Variants in CDKAL1 observed in about 807,000 individuals in gnomAD.
CDKAL1 encodes threonylcarbamoyladenosine tRNA methylthiotransferase.
A neutral mutation model predicts 68.2 loss-of-function variants in CDKAL1; 32 were observed. The observed-to-expected ratio is 0.47, with a 90% CI of 0.35 to 0.63. The LOEUF (loss-of-function observed/expected upper bound fraction) is 0.63, where lower values mean the gene tolerates loss of function less well. CDKAL1 is among the 30% of genes least tolerant of loss of function. The pLI is 0.00. For missense variants in CDKAL1, 606 were observed against 696.7 expected (o/e 0.87, Z 1.47); for synonymous variants, 234 against 244.3 (o/e 0.96, Z 0.39).
At chr6:20,652,505 CCTT>C (rs996196152) in intron 5 of CDKAL1, among the ~76,000 whole-genome samples, 73 of 152,138 alleles carry the variant, frequency 4.8e-4, no homozygotes, top group Non-Finnish European at 1.0e-4. Context: ...TTCTTAGAAA[CCTT>C]CTTCTAGAAA....
chr6:20,718,549 A>G (rs72832303), intron 5 of CDKAL1, among the ~76,000 whole-genome samples: 2,280 of 152,294 alleles, frequency 0.015, 41 homozygotes, highest in Non-Finnish European at 0.02. Flanking sequence ...GTGAAAGAAA[A>G]GAAGCTGAAT....
intron 9 of CDKAL1, among the ~76,000 whole-genome samples, chr6:20,941,051 C>T (rs757972861): frequency 7.3e-5 from 11 of 151,158 alleles, no homozygotes; most frequent in East Asian, 3.9e-4. Flanking sequence ...TGCGCCACTG[C>T]ACTCTAGCCT....
At chr6:20,732,283 T>TTTTTTTTTTTTTTG (rs1554112044) in intron 5 of CDKAL1, among the ~76,000 whole-genome samples, 1 of 117,488 alleles carries the variant, frequency 8.5e-6, no homozygotes, top group Non-Finnish European at 1.8e-5. Flanking sequence ...TTTTTTTTTT[T>TTTTTTTTTTTTTTG]TTGTTGTTGT....
At chr6:21,028,417 G>A (rs1387924794) in intron 11 of CDKAL1, among the ~76,000 whole-genome samples, 7 of 152,100 alleles carry the variant, frequency 4.6e-5, no homozygotes, top group African/African-American at 1.7e-4. Flanking sequence ...CACCATTTTA[G>A]AGGCTGCAAG....
At position 20,763,675 on chromosome 6, in the gene CDKAL1, G is replaced by C. The variant is rs933913844; in HGVS notation, c.517+5032G>C. Among the ~76,000 whole-genome samples the C allele has an allele frequency of 1.6e-4, 25 of 152,118 alleles. 1 individual carries two copies. Among genetic ancestry groups the C allele is most frequent in the Admixed American group, 1.5e-3 (23 of 15,266 alleles). On this transcript the variant is annotated intron_variant, in intron 7 of 15. Coordinates refer to ENST00000274695, the MANE Select transcript of CDKAL1 (RefSeq NM_017774.3). ...GCCTGTTTGCATTCTTCTTATTGCT[G>C]CTTATGTTACACCAAGTAGTATTTT...
chr6:20,590,526 G>C (rs1033467441), intron 4 of CDKAL1, among the ~76,000 whole-genome samples: 1 of 151,300 alleles, frequency 6.6e-6, no homozygotes, highest in African/African-American at 2.4e-5. Flanking sequence ...CTCCCCAACA[G>C]CCCCCGGTGT....
chr6:20,897,138 G>T (rs1214144169), intron 9 of CDKAL1, among the ~76,000 whole-genome samples: 1 of 152,154 alleles, frequency 6.6e-6, no homozygotes, highest in Non-Finnish European at 1.5e-5. Flanking sequence ...CATGACAGAA[G>T]GGGTGAACAA....
At chr6:21,060,585 C>T (rs1297401464) in intron 11 of CDKAL1, among the ~76,000 whole-genome samples, 1 of 151,222 alleles carries the variant, frequency 6.6e-6, no homozygotes, top group Admixed American at 6.6e-5. Context: ...GATTTTTTCT[C>T]TTTGTTAGCT....
chr6:20,819,973 C>T (rs1023183547), intron 8 of CDKAL1, among the ~76,000 whole-genome samples: 1 of 152,162 alleles, frequency 6.6e-6, no homozygotes, highest in African/African-American at 2.4e-5. Flanking sequence ...ACCGCAGCAG[C>T]ACTACGTAGA....
chr6:21,205,880 G>GCCGGA (rs1778908397), intron 15 of CDKAL1, among the ~76,000 whole-genome samples: 1 of 127,016 alleles, frequency 7.9e-6, no homozygotes, highest in Admixed American at 9.3e-5. Context: ...TGTCGCCCAG[G>GCCGGA]CTGGAGTGCA....
intron 4 of CDKAL1, among the ~76,000 whole-genome samples, chr6:20,571,106 A>G (rs1175795340): frequency 2.0e-5 from 3 of 152,210 alleles, no homozygotes; most frequent in Non-Finnish European, 4.4e-5. Flanking sequence ...AGAGAATTAT[A>G]TTGATGTTAC....
At chr6:21,063,851 C>T (rs1454927396) in intron 11 of CDKAL1, among the ~76,000 whole-genome samples, 1 of 151,854 alleles carries the variant, frequency 6.6e-6, no homozygotes, top group African/African-American at 2.4e-5. Flanking sequence ...GAAAGGAGTC[C>T]CTGAGAGAAA....
At chr6:20,622,722 G>A (rs1767248805) in intron 4 of CDKAL1, among the ~76,000 whole-genome samples, 1 of 118,460 alleles carries the variant, frequency 8.4e-6, no homozygotes, top group Admixed American at 8.1e-5. Context: ...AGGCCGAGAA[G>A]TGATATTCTG....
At chr6:21,140,907 T>C (rs1352996082) in intron 13 of CDKAL1, among the ~76,000 whole-genome samples, 1 of 152,148 alleles carries the variant, frequency 6.6e-6, no homozygotes, top group Non-Finnish European at 1.5e-5. Flanking sequence ...AAGGCACTTC[T>C]TACATGGCGG....
chr6:20,670,141 A>AG (rs1396843846), intron 5 of CDKAL1, among the ~76,000 whole-genome samples: 1 of 152,180 alleles, frequency 6.6e-6, no homozygotes, highest in Non-Finnish European at 1.5e-5. Flanking sequence ...TTAATCATAT[A>AG]CAGTGGTTTC....
intron 9 of CDKAL1, among the ~76,000 whole-genome samples, chr6:20,891,681 T>C (rs1281318365): frequency 6.6e-6 from 1 of 151,848 alleles, no homozygotes; most frequent in Non-Finnish European, 1.5e-5. Context: ...ACTACAGGCA[T>C]GCGCCACCAT....
At chr6:21,215,751 A>C (rs1779319921) in intron 15 of CDKAL1, among the ~76,000 whole-genome samples, 1 of 152,182 alleles carries the variant, frequency 6.6e-6, no homozygotes, top group Non-Finnish European at 1.5e-5. Flanking sequence ...TGTACCCAGC[A>C]ACTCAACAGT....
At chr6:21,039,300 AC>A (rs1479310387) in intron 11 of CDKAL1, among the ~76,000 whole-genome samples, 3 of 151,890 alleles carry the variant, frequency 2.0e-5, no homozygotes, top group Non-Finnish European at 4.4e-5. Flanking sequence ...ATCTCCCCAA[AC>A]CCCCAAGTCC....
At chr6:20,802,758 A>G (rs1186971044) in intron 8 of CDKAL1, among the ~76,000 whole-genome samples, 4 of 152,224 alleles carry the variant, frequency 2.6e-5, no homozygotes, top group Non-Finnish European at 5.9e-5. Context: ...AGCATTTCTC[A>G]GAGCACAGAA....
Sources: allele counts gnomAD v4.1 joint callset (sites outside exome capture counted in the v4.1 genomes callset), GRCh38; gene constraint gnomAD v4.1.1; transcripts MANE v1.5; gene names NCBI Gene and HGNC (gene_info 2026-07-23, HGNC 2026-07-21).